The following UMOD variants were observed in gnomAD, a reference collection of about 807,000 sequenced individuals.
The protein encoded by UMOD is uromodulin, also known as Tamm-Horsfall urinary glycoprotein.
In UMOD, 64 loss-of-function variants were observed where a neutral mutation model predicts 66.0. The ratio of observed to expected loss-of-function variants is 0.97; its 90% confidence interval spans 0.79 to 1.19. The LOEUF (loss-of-function observed/expected upper bound fraction) is 1.19. UMOD is among the 50% of genes most tolerant of loss of function. The pLI, the probability that UMOD is intolerant of heterozygous loss-of-function variation, is 0.00. For synonymous variants in UMOD, 398 were observed against 352.7 expected, an observed-to-expected ratio of 1.13 and a Z score of -1.44; for missense variants, 764 against 850.9, an observed-to-expected ratio of 0.90 and a Z score of 1.27.
At chr16:20,344,505 A>G (rs1965430262) in intron 5 of UMOD, among the ~76,000 whole-genome samples, 1 of 151,810 alleles carries the variant, frequency 6.6e-6, no homozygotes, top group African/African-American at 2.4e-5. Flanking sequence ...CGGGAGGCTG[A>G]GACAGGAGAA....
chr16:20,349,086 G>T lies in UMOD; in HGVS notation c.215C>A (p.Pro72His). The change falls in exon 3 of 11, where the codon CCT becomes CAT. Residue 72 changes from proline (P) to histidine (H), a missense_variant. Physicochemically the swap from Pro to His is moderately conservative, Grantham distance 77 (BLOSUM62 -2). Coordinates refer to ENST00000396138, the MANE Select transcript of UMOD (RefSeq NM_003361.4). Reference protein sequence around the residue: ...TCVDLDECAIPGAHNCSANSS... With the variant: ...TCVDLDECAIHGAHNCSANSS... ...GTTGGCGGAGCAGTTGTGAGCTCCAGGAATGGCGCACTCATCCAGGTCCAC... is the reference window on the plus strand; with the variant it reads ...GTTGGCGGAGCAGTTGTGAGCTCCATGAATGGCGCACTCATCCAGGTCCAC... 6.2e-7 allele frequency: 1 copy of T among 1,613,088 alleles called. No homozygotes were observed. Among genetic ancestry groups the T allele is most frequent in the East Asian group, 2.2e-5 (1 of 44,800 alleles).
intron 9 of UMOD, 67 bp downstream of exon 9, chr16:20,336,579 G>A: frequency 6.7e-7 from 1 of 1,499,640 alleles, no homozygotes; most frequent in Non-Finnish European, 9.3e-7. Flanking sequence ...GCCAGGCTCT[G>A]TTATCCCTCT....
intron 10 of UMOD, among the ~76,000 whole-genome samples, chr16:20,334,770 G>A (rs1403170585): frequency 6.6e-6 from 1 of 151,904 alleles, no homozygotes; most frequent in Non-Finnish European, 1.5e-5. Context: ...CTTATTTGTT[G>A]TGTTTACCCC....
intron 1 of UMOD, among the ~76,000 whole-genome samples, chr16:20,352,037 G>A (rs1339344400): frequency 2.9e-5 from 4 of 138,008 alleles, no homozygotes; most frequent in African/African-American, 6.0e-5. Context: ...AAAAAAGACA[G>A]AAAGAAAGAA....
intron 6 of UMOD, 34 bp from the exon 7 acceptor site, chr16:20,341,370 G>A: frequency 6.2e-7 from 1 of 1,610,140 alleles, no homozygotes; most frequent in Non-Finnish European, 8.5e-7. Flanking sequence ...AGAGGACCGG[G>A]CTGAGAACAT....
chr16:20,349,640 C>T, intron 2 of UMOD: 8 of 1,434,802 alleles, frequency 5.6e-6, no homozygotes, highest in Non-Finnish European at 7.3e-6. Flanking sequence ...TTGTGTTAAG[C>T]ATTGCTTTCA....
upstream of UMOD, among the ~76,000 whole-genome samples, chr16:20,355,648 C>A (rs1454232667): frequency 6.6e-6 from 1 of 152,106 alleles, no homozygotes; most frequent in Non-Finnish European, 1.5e-5. Flanking sequence ...AATCTGCCTG[C>A]CTCGGCCTCC....
In UMOD at chr16:20,348,988, C is replaced by G. The variant is rs747592262; in HGVS notation, c.313G>C (p.Gly105Arg). 7.0e-6 allele frequency: 11 copies of G among 1,574,364 alleles called. No homozygotes were observed. The Admixed American group carries it at 9.3e-5, about 13-fold the overall frequency. The change falls in exon 3 of 11, where the codon GGC becomes CGC. Residue 105 changes from glycine (G) to arginine (R), a missense_variant. Coordinates refer to ENST00000396138, the MANE Select transcript of UMOD (RefSeq NM_003361.4). The part of the protein sequence containing the change: ...PEGFRLSPGL[G>R]CTDVDECAEP... ...GCGCACTCATCCACGTCTGTGCAGC[C>G]GAGACCGGGCGACAGGCGGAAGCCT...
In UMOD at chr16:20,348,272, C is replaced by G. The variant is rs762457368; in HGVS notation, c.924G>C (p.Ser308=). The G allele has an allele frequency of 1.2e-6, 2 of 1,614,182 alleles. No individual in the cohort carries two copies. The change falls in exon 4 of 11, where the codon TCG becomes TCC. Residue 308 remains serine, a synonymous_variant. Transcript: ENST00000396138. The part of the protein sequence containing the change: ...EECSIDEDCK[S]NNGRWHCQCK... ...ACTGGCAGTGCCATCTGCCATTATT[C>G]GATTTGCAGTCCTCGTCTATACTGC...
At chr16:20,335,664 C>T (rs761022784) in intron 9 of UMOD, 144 bp from the exon 10 acceptor site, 15 of 779,876 alleles carry the variant, frequency 1.9e-5, no homozygotes, top group Non-Finnish European at 3.1e-5. Context: ...TACTCCCCTA[C>T]TTCAGACCCA....
chr16:20,348,020 TC>T (rs1370476354), intron 4 of UMOD, among the ~76,000 whole-genome samples: 1 of 152,130 alleles, frequency 6.6e-6, no homozygotes, highest in Non-Finnish European at 1.5e-5. Flanking sequence ...AGCTTTGAAG[TC>T]AACTAAAGGG....
At chr16:20,345,579 C>T (rs531900798) in intron 5 of UMOD, among the ~76,000 whole-genome samples, 1 of 140,552 alleles carries the variant, frequency 7.1e-6, no homozygotes, top group South Asian at 2.4e-4. Context: ...CCTTCCTTCT[C>T]TTTCTTTCTT....
chr16:20,339,909 G>A (rs11859916), intron 7 of UMOD, among the ~76,000 whole-genome samples: 29,733 of 152,036 alleles, frequency 0.2, 3,875 homozygotes, highest in African/African-American at 0.38. Flanking sequence ...CCGTCTCATG[G>A]TAAGGTTCAT....
chr16:20,348,122 C>A, intron 4 of UMOD, 101 bp downstream of exon 4: 2 of 1,036,250 alleles, frequency 1.9e-6, no homozygotes, highest in Non-Finnish European at 3.0e-6. Context: ...ATATCCCCTG[C>A]GTCATACCCA....
At chr16:20,356,077 AT>A (rs1166837082), upstream of UMOD, 1 of 152,176 alleles carries the variant, frequency 6.6e-6, no homozygotes, top group Non-Finnish European at 1.5e-5. Context: ...GTTTTGAAAA[AT>A]TGATCAAACA....
intron 7 of UMOD, 98 bp downstream of exon 7, chr16:20,340,993 A>C: frequency 2.2e-6 from 1 of 455,830 alleles, no homozygotes; most frequent in Non-Finnish European, 3.2e-6. Context: ...GACTCTGTCA[A>C]AAAAAAAAAA....
intron 2 of UMOD, 44 bp downstream of exon 2, chr16:20,350,585 CCCCCACACATTCACACATACA>C: frequency 6.3e-7 from 1 of 1,588,582 alleles, no homozygotes; most frequent in Non-Finnish European, 8.6e-7. Flanking sequence ...TACATTGCTT[CCCCCACACATTCACACATACA>C]CGTGCATACA....
At chr16:20,342,462 G>A (rs1463167600) in intron 6 of UMOD, 1 of 152,364 alleles carries the variant, frequency 6.6e-6, no homozygotes, top group East Asian at 1.9e-4. Flanking sequence ...TAGGCCAGGT[G>A]AGGTTCCAGC....
intron 5 of UMOD, among the ~76,000 whole-genome samples, chr16:20,345,539 C>G (rs1456272366): frequency 8.0e-6 from 1 of 125,526 alleles, no homozygotes; most frequent in Non-Finnish European, 1.6e-5. Flanking sequence ...TTCCTTCCCT[C>G]TCTCTCTTTT....
Sources: allele counts gnomAD v4.1 joint callset (sites outside exome capture counted in the v4.1 genomes callset), GRCh38; gene constraint gnomAD v4.1.1; transcripts MANE v1.5; gene names NCBI Gene and HGNC (gene_info 2026-07-23, HGNC 2026-07-21).